HECW2: variants seen among roughly 807,000 people sequenced by gnomAD.
HECW2 encodes the protein E3 ubiquitin-protein ligase HECW2.
A neutral mutation model predicts 175.2 loss-of-function variants in HECW2; 61 were observed. That is an observed-to-expected ratio of 0.35 (90% CI 0.28 to 0.43). The LOEUF (loss-of-function observed/expected upper bound fraction) is 0.43, where lower values mean the gene tolerates loss of function less well. HECW2 is among the 20% of genes least tolerant of loss of function. The pLI, the probability that HECW2 is intolerant of heterozygous loss-of-function variation, is 1.00. For missense variants in HECW2, 1,524 were observed against 2,000.5 expected (o/e 0.76, Z 4.54); for synonymous variants, 671 against 731.0 (o/e 0.92, Z 1.32).
intron 2 of HECW2, among the ~76,000 whole-genome samples, chr2:196,401,404 A>T (rs1694813552): frequency 6.6e-6 from 1 of 152,212 alleles, no homozygotes; most frequent in African/African-American, 2.4e-5. Context: ...ACTTGTGCAT[A>T]TGTGTTTCTC....
intron 1 of HECW2, among the ~76,000 whole-genome samples, chr2:196,472,481 CAAAAAAAAA>C (rs538116476): frequency 5.6e-5 from 4 of 71,380 alleles, no homozygotes; most frequent in Admixed American, 1.6e-4. Context: ...GAGACTCCGT[CAAAAAAAAA>C]AAAAAAAAAA....
chr2:196,215,047 C>G (rs1451750548), intron 28 of HECW2, among the ~76,000 whole-genome samples: 3 of 152,114 alleles, frequency 2.0e-5, no homozygotes, highest in Non-Finnish European at 4.4e-5. Context: ...AATTTCAGCT[C>G]CTTTTTACCT....
intron 1 of HECW2, among the ~76,000 whole-genome samples, chr2:196,452,494 C>T (rs532935717): frequency 6.6e-6 from 1 of 152,046 alleles, no homozygotes; most frequent in Non-Finnish European, 1.5e-5. Context: ...TCCTATTTTC[C>T]AAGTAATTCT....
At chr2:196,404,077 T>C (rs1013357947) in intron 2 of HECW2, among the ~76,000 whole-genome samples, 10 of 152,192 alleles carry the variant, frequency 6.6e-5, no homozygotes, top group Admixed American at 5.9e-4. Flanking sequence ...ACATTTTTAC[T>C]AAATGCAATT....
intron 28 of HECW2, among the ~76,000 whole-genome samples, chr2:196,204,641 T>C (rs1042449281): frequency 1.3e-5 from 2 of 152,248 alleles, no homozygotes; most frequent in African/African-American, 2.4e-5. Flanking sequence ...CCTGGATGCC[T>C]GCTCCATGAA....
rs527939544 is a variant in HECW2, at chr2:196,317,109, T to C, written c.2434+165A>G. ...GCATAATGGTGCCAGAGAAGAGTCA[T>C]TGGCCTAGCACGTCCCGGACTACAC... On this transcript the variant is annotated intron_variant, in intron 10 of 28. Transcript: ENST00000644978. 3.1e-5 allele frequency: 18 copies of C among 572,306 alleles called. No homozygotes were observed. The South Asian group carries it at 3.2e-4, about 10-fold the overall frequency. 35.5% of individuals were successfully genotyped at this position (572,306 alleles called of 1,614,324 possible).
intron 2 of HECW2, among the ~76,000 whole-genome samples, chr2:196,355,384 A>C (rs1693327212): frequency 6.6e-6 from 1 of 152,202 alleles, no homozygotes; most frequent in Admixed American, 6.5e-5. Context: ...TAGCTCGGTA[A>C]ACACCTTAGC....
chr2:196,489,287 AAG>A (rs930945079), intron 1 of HECW2, among the ~76,000 whole-genome samples: 1 of 152,166 alleles, frequency 6.6e-6, no homozygotes, highest in African/African-American at 2.4e-5. Flanking sequence ...CAAGGACTGA[AAG>A]AGAGAGAGAT....
At chr2:196,246,777 C>A (rs895314422) in intron 19 of HECW2, among the ~76,000 whole-genome samples, 1 of 152,048 alleles carries the variant, frequency 6.6e-6, no homozygotes, top group African/African-American at 2.4e-5. Context: ...CTTAAAAGGA[C>A]GTGGGAAATG....
chr2:196,490,758 G>A (rs1346146577), intron 1 of HECW2, among the ~76,000 whole-genome samples: 1 of 152,070 alleles, frequency 6.6e-6, no homozygotes, highest in Non-Finnish European at 1.5e-5. Context: ...CCATAAAATG[G>A]AATACTATTC....
At chr2:196,576,432 A>C (rs1690564505) in intron 1 of HECW2, among the ~76,000 whole-genome samples, 1 of 152,226 alleles carries the variant, frequency 6.6e-6, no homozygotes. Flanking sequence ...ATGAACCTGG[A>C]AGACATTATG....
intron 1 of HECW2, among the ~76,000 whole-genome samples, chr2:196,444,833 G>A (rs1696138092): frequency 6.6e-6 from 1 of 152,208 alleles, no homozygotes; most frequent in Non-Finnish European, 1.5e-5. Flanking sequence ...TTTCAGTGGT[G>A]GCTCTGGGGG....
intron 1 of HECW2, among the ~76,000 whole-genome samples, chr2:196,479,379 A>G (rs867734531): frequency 3.3e-5 from 5 of 152,348 alleles, no homozygotes; most frequent in African/African-American, 7.2e-5. Flanking sequence ...TTTCATCAGT[A>G]AGGAGTTTCC....
chr2:196,533,774 G>C (rs943322161), intron 1 of HECW2, among the ~76,000 whole-genome samples: 36 of 152,188 alleles, frequency 2.4e-4, no homozygotes, highest in African/African-American at 7.0e-4. Context: ...TGGTAGACTC[G>C]AGAATTTAAT....
chr2:196,353,364 A>G (rs1693242096), intron 2 of HECW2, among the ~76,000 whole-genome samples: 1 of 152,216 alleles, frequency 6.6e-6, no homozygotes, highest in Non-Finnish European at 1.5e-5. Context: ...TTTCCTATCC[A>G]TAATCCTTAT....
In HECW2 at chr2:196,391,724, AAAC is replaced by A. The variant is rs540343155; in HGVS notation, c.292+41405_292+41407del. 1.7e-3 allele frequency among the ~76,000 whole-genome samples: 252 copies of A among 152,332 alleles called. 1 individual carries two copies. The highest frequency in any genetic ancestry group is 2.9e-3 in the Non-Finnish European group (195 of 68,034). ...AAAGTACCACAAACTGAGTGACTTA[AAAC>A]AACAGAAAGTTACTCTCTCATACTT... On this transcript the variant is annotated intron_variant, in intron 2 of 28. Transcript: ENST00000644978.
At chr2:196,506,901 T>A (rs902622528) in intron 1 of HECW2, among the ~76,000 whole-genome samples, 3 of 152,056 alleles carry the variant, frequency 2.0e-5, no homozygotes, top group South Asian at 4.1e-4. Flanking sequence ...GACCCCCAGG[T>A]ATACAAAATT....
chr2:196,375,178 AAAAAAG>A, intron 2 of HECW2, among the ~76,000 whole-genome samples: 1 of 152,216 alleles, frequency 6.6e-6, no homozygotes, highest in Admixed American at 6.5e-5. Flanking sequence ...AAAGAAAGAA[AAAAAAG>A]AAAAAGAAAA....
intron 1 of HECW2, among the ~76,000 whole-genome samples, chr2:196,534,379 G>C (rs1559163468): frequency 6.6e-6 from 1 of 152,114 alleles, no homozygotes; most frequent in East Asian, 1.9e-4. Flanking sequence ...TTAATAAACA[G>C]GTATAAATTA....
Sources: allele counts gnomAD v4.1 joint callset (sites outside exome capture counted in the v4.1 genomes callset), GRCh38; gene constraint gnomAD v4.1.1; transcripts MANE v1.5; gene names NCBI Gene and HGNC (gene_info 2026-07-23, HGNC 2026-07-21).